NCMAP: variants seen among roughly 807,000 people sequenced by gnomAD.
The protein encoded by NCMAP is non-compact myelin associated protein.
In NCMAP, 8 loss-of-function variants were observed where a neutral mutation model predicts 7.8. The ratio of observed to expected loss-of-function variants is 1.02; its 90% CI spans 0.60 to 1.84. The LOEUF (loss-of-function observed/expected upper bound fraction) is 1.84, where lower values mean the gene tolerates loss of function less well. NCMAP is among the 40% of genes most tolerant of loss of function. NCMAP has a pLI of 0.00. For synonymous variants in NCMAP, 41 were observed against 52.9 expected, an observed-to-expected ratio of 0.78 and a Z score of 0.98; for missense variants, 112 against 131.4, an observed-to-expected ratio of 0.85 and a Z score of 0.72.
intron 1 of NCMAP, among the ~76,000 whole-genome samples, chr1:24,578,442 T>G (rs1570523995): frequency 2.2e-5 from 2 of 90,378 alleles, no homozygotes; most frequent in African/African-American, 4.3e-5. Context: ...AGAGGGTGTG[T>G]GGTGTGGTGA....
rs1491429549 is a variant in NCMAP, at chr1:24,597,645, AAG to A, written c.82+2135_82+2136del. Among the ~76,000 whole-genome samples, 112 of 135,488 alleles carry A rather than the reference AAG, an allele frequency of 8.3e-4. 1 individual carries two copies. Among genetic ancestry groups the A allele is most frequent in the African/African-American group, 2.9e-3 (105 of 36,556 alleles). The allele number at this position is 135,488 out of a possible 152,430, so 88.9% of individuals were successfully genotyped here. On this transcript the variant is annotated intron_variant, in intron 2 of 3. Coordinates refer to ENST00000374392, the MANE Select transcript of NCMAP (RefSeq NM_001010980.5). ...AAAGAAAGAAAGAAAGAAAGAAAGA[AAG>A]AAAGAAAGAAAGAAAGAAAGAAAGA...
chr1:24,585,059 G>T (rs750578879), intron 1 of NCMAP, among the ~76,000 whole-genome samples: 1 of 152,122 alleles, frequency 6.6e-6, no homozygotes, highest in Non-Finnish European at 1.5e-5. Flanking sequence ...CCTTATTTCT[G>T]GGAACCAACT....
intron 1 of NCMAP, among the ~76,000 whole-genome samples, chr1:24,566,477 A>G (rs1014454121): frequency 3.3e-5 from 5 of 152,166 alleles, no homozygotes; most frequent in Admixed American, 6.5e-5. Context: ...GGTTTTGGAG[A>G]CAGGAAATTG....
At chr1:24,587,845 C>T (rs1385593195) in intron 1 of NCMAP, among the ~76,000 whole-genome samples, 2 of 152,108 alleles carry the variant, frequency 1.3e-5, no homozygotes, top group Admixed American at 6.5e-5. Context: ...CAGGTTTTCA[C>T]TTAGAAGAGG....
chr1:24,595,445 C>G lies in NCMAP; in HGVS notation c.15C>G (p.Thr5=). MTTA[T]PLGDTTFFSL... Reference sequence around the variant, plus strand: ...TCAGGATCGAGATGACCACAGCCACCCCTCTGGGGGATACCACCTTCTTCT... The same window carrying G: ...TCAGGATCGAGATGACCACAGCCACGCCTCTGGGGGATACCACCTTCTTCT... The change falls in exon 2 of 4, where the codon ACC becomes ACG. Residue 5 remains threonine (T), a synonymous_variant. Coordinates refer to ENST00000374392, the MANE Select transcript of NCMAP (RefSeq NM_001010980.5). The G allele has an allele frequency of 6.2e-7, 1 of 1,613,622 alleles. No homozygotes were observed. The highest frequency in any genetic ancestry group is 1.1e-5 in the South Asian group (1 of 91,058).
chr1:24,575,419 G>C (rs1651525879), intron 1 of NCMAP, among the ~76,000 whole-genome samples: 2 of 152,256 alleles, frequency 1.3e-5, no homozygotes, highest in South Asian at 4.2e-4. Flanking sequence ...ATTGGGCAGG[G>C]TGCTTTCTGT....
chr1:24,592,809 C>T (rs1557600948), intron 1 of NCMAP, among the ~76,000 whole-genome samples: 1 of 152,100 alleles, frequency 6.6e-6, no homozygotes, highest in Non-Finnish European at 1.5e-5. Context: ...GTCCCAGCTA[C>T]TCGTGAGGCT....
At chr1:24,586,759 C>CAAAAAA (rs71577722) in intron 1 of NCMAP, among the ~76,000 whole-genome samples, 1 of 107,430 alleles carries the variant, frequency 9.3e-6, no homozygotes. Context: ...GACTCCATCT[C>CAAAAAA]AAAAAAAAAA....
intron 2 of NCMAP, among the ~76,000 whole-genome samples, chr1:24,598,612 T>C (rs1652341093): frequency 1.3e-5 from 2 of 151,696 alleles, no homozygotes; most frequent in Admixed American, 1.3e-4. Flanking sequence ...ATCTCTTCTA[T>C]TTTCTTTTCT....
chr1:24,561,205 G>C (rs1466305507), intron 1 of NCMAP, among the ~76,000 whole-genome samples: 1 of 145,604 alleles, frequency 6.9e-6, no homozygotes, highest in African/African-American at 2.6e-5. Context: ...AAAATAGCTG[G>C]GCACGGTGGC....
intron 1 of NCMAP, among the ~76,000 whole-genome samples, chr1:24,562,162 C>T (rs1651073731): frequency 6.6e-6 from 1 of 152,182 alleles, no homozygotes; most frequent in African/African-American, 2.4e-5. Context: ...AAAAGCAATT[C>T]ATTTATCTTT....
intron 3 of NCMAP, among the ~76,000 whole-genome samples, chr1:24,602,836 C>T (rs79066285): frequency 6.6e-6 from 1 of 151,656 alleles, no homozygotes; most frequent in Non-Finnish European, 1.5e-5. Context: ...GGGCAGATCA[C>T]GGGGTCAGGA....
chr1:24,600,162 A>C (rs1652427755), intron 2 of NCMAP, among the ~76,000 whole-genome samples: 1 of 147,898 alleles, frequency 6.8e-6, no homozygotes, highest in Non-Finnish European at 1.5e-5. Flanking sequence ...ATTTATTTTT[A>C]TTTTTTGAGA....
intron 3 of NCMAP, among the ~76,000 whole-genome samples, chr1:24,604,140 C>A (rs1196776382): frequency 1.3e-5 from 2 of 152,154 alleles, no homozygotes. Context: ...TCCCATTAGG[C>A]CCCAGCTTTC....
In NCMAP at chr1:24,570,626, T is replaced by A. The variant is rs141275062; in HGVS notation, c.-8+14457T>A. On this transcript the variant is annotated intron_variant, in intron 1 of 3. Coordinates refer to ENST00000374392, the MANE Select transcript of NCMAP (RefSeq NM_001010980.5). ...CTGACCCCACAGCCGAAGAGTTTAA[T>A]GACCCCATGGTGCCATTCAAATTCC... Among the ~76,000 whole-genome samples the A allele has an allele frequency of 1.1e-4, 17 of 151,236 alleles. 2 individuals carry two copies. Among genetic ancestry groups the A allele is most frequent in the African/African-American group, 4.2e-4 (17 of 40,468 alleles).
rs1204352259 is a variant in NCMAP at position 24,576,050 on chromosome 1, G to A, written c.-7-19374G>A. On this transcript the variant is annotated intron_variant, in intron 1 of 3. Coordinates refer to ENST00000374392, the MANE Select transcript of NCMAP (RefSeq NM_001010980.5). This position sits in a 1 kb window ranked among gnomAD's most constrained non-coding sequence, Gnocchi z 4.0. Reference sequence around the variant, plus strand: ...CCCTCATCCTGATCCTCTCTGCACAGCCGCATTGCCCCGTCCAGAGCTTCT... The same window carrying A: ...CCCTCATCCTGATCCTCTCTGCACAACCGCATTGCCCCGTCCAGAGCTTCT... Among the ~76,000 whole-genome samples, 1 of 151,840 alleles carries A rather than the reference G, an allele frequency of 6.6e-6. No individual in the cohort carries two copies. The highest frequency in any genetic ancestry group is 1.5e-5 in the Non-Finnish European group (1 of 67,986).
chr1:24,564,383 G>A (rs758469844), intron 1 of NCMAP, among the ~76,000 whole-genome samples: 15 of 151,670 alleles, frequency 9.9e-5, no homozygotes, highest in Non-Finnish European at 4.4e-5. Flanking sequence ...GGTGGTGGGC[G>A]CCTGTAATTC....
At position 24,572,486 on chromosome 1, in the gene NCMAP, G is replaced by C. The variant is rs1651418650; in HGVS notation, c.-8+16317G>C. On this transcript the variant is annotated intron_variant, in intron 1 of 3. Transcript: ENST00000374392. ...GTTTGTGGGTAACAGATATGGTTCT[G>C]GGCAGCTCAGAGAGGAAGTGAAGAA... is the stretch of plus-strand genomic sequence containing the variant. 2.7e-5 allele frequency among the ~76,000 whole-genome samples: 4 copies of C among 150,546 alleles called. 1 individual carries two copies. Among genetic ancestry groups the C allele is most frequent in the African/African-American group, 1.0e-4 (4 of 39,908 alleles).
At chr1:24,565,141 C>T (rs1259096340) in intron 1 of NCMAP, among the ~76,000 whole-genome samples, 4 of 117,438 alleles carry the variant, frequency 3.4e-5, no homozygotes, top group African/African-American at 1.4e-4. Flanking sequence ...GGATTTTATA[C>T]ACCTTTTTTT....
Sources: allele counts gnomAD v4.1 joint callset (sites outside exome capture counted in the v4.1 genomes callset), GRCh38; gene constraint gnomAD v4.1.1; non-coding constraint Gnocchi (gnomAD v3.1); transcripts MANE v1.5; gene names NCBI Gene and HGNC (gene_info 2026-07-23, HGNC 2026-07-21).